The following FAT3 variants were observed in gnomAD, a reference collection of about 807,000 sequenced individuals.
FAT3 encodes the protein protocadherin Fat 3.
Under a neutral mutation model 310.2 loss-of-function variants are expected in FAT3, and 95 were observed. The ratio of observed to expected loss-of-function variants is 0.31; its 90% CI spans 0.26 to 0.36. The LOEUF (loss-of-function observed/expected upper bound fraction) is 0.36. Ranked by LOEUF, FAT3 falls within the 10% of genes least tolerant of loss-of-function variation. FAT3 has a pLI of 1.00. For missense variants in FAT3, 5,408 were observed against 5,715.6 expected (o/e 0.95, Z 1.74); for synonymous variants, 2,314 against 2,192.9 (o/e 1.06, Z -1.54).
In FAT3 at chr11:92,412,724, TATATATATATATATATATATAAATATAC is replaced by T. The variant is rs1449105409; in HGVS notation, c.3292+57324_3292+57351del. Reference sequence around the variant, plus strand: ...GGTGATATATATATATATATATATATATATATATATATATATATATAAATATACATACATATATATATATTTAATGTAA... The same window carrying T: ...GGTGATATATATATATATATATATATATACATATATATATATTTAATGTAA... On this transcript the variant is annotated intron_variant, in intron 2 of 27. Transcript: ENST00000525166. Among the ~76,000 whole-genome samples the T allele has an allele frequency of 2.7e-4, 9 of 33,382 alleles. 1 individual carries two copies. Among genetic ancestry groups the T allele is most frequent in the African/African-American group, 7.0e-4 (9 of 12,818 alleles). 21.9% of individuals were successfully genotyped at this position (33,382 alleles called of 152,430 possible). A position where few individuals can be genotyped will look rare whatever the true frequency, so the allele number is the denominator to read the frequency against.
intron 2 of FAT3, among the ~76,000 whole-genome samples, chr11:92,458,114 G>A (rs554129903): frequency 6.6e-6 from 1 of 152,114 alleles, no homozygotes; most frequent in Non-Finnish European, 1.5e-5. Context: ...CCTATTGTTA[G>A]GTTGTTTCCT....
chr11:92,280,257 G>A (rs539367987), intron 1 of FAT3, among the ~76,000 whole-genome samples: 36 of 152,204 alleles, frequency 2.4e-4, no homozygotes, highest in African/African-American at 8.7e-4. Context: ...TATGACAAAA[G>A]CCTGTTCTTA....
intron 1 of FAT3, among the ~76,000 whole-genome samples, chr11:92,312,303 G>A (rs983708397): frequency 6.8e-4 from 104 of 152,258 alleles, no homozygotes; most frequent in South Asian, 4.2e-4. Flanking sequence ...AAATGTTTTC[G>A]CAGTAGTCTG....
rs910984505 is a variant in FAT3, at chr11:92,889,970, G to T, written c.13147+79G>T. 4.2e-6 allele frequency: 3 copies of T among 717,510 alleles called. No homozygotes were observed. The South Asian group carries it at 4.4e-5, about 11-fold the overall frequency. 44.4% of individuals were successfully genotyped at this position (717,510 alleles called of 1,614,324 possible). A position where few individuals can be genotyped will look rare whatever the true frequency, so the allele number is the denominator to read the frequency against. On this transcript the variant is annotated intron_variant, in intron 27 of 27. Coordinates refer to ENST00000525166, the MANE Select transcript of FAT3 (RefSeq NM_001367949.2). ...GAGTTCATTCTTACCCTGTTCCTGTGCCTCTGCCCTGATCTGAATTTTGCA... is the reference window on the plus strand; with the variant it reads ...GAGTTCATTCTTACCCTGTTCCTGTTCCTCTGCCCTGATCTGAATTTTGCA...
intron 3 of FAT3, among the ~76,000 whole-genome samples, chr11:92,562,136 T>G (rs1039724286): frequency 1.3e-5 from 2 of 152,164 alleles, no homozygotes; most frequent in African/African-American, 4.8e-5. Flanking sequence ...TAACTCTGAT[T>G]ATCACTTTTA....
intron 2 of FAT3, among the ~76,000 whole-genome samples, chr11:92,375,467 T>C (rs1454291704): frequency 6.6e-6 from 1 of 152,132 alleles, no homozygotes; most frequent in Non-Finnish European, 1.5e-5. Flanking sequence ...AAAAAGTGTT[T>C]AAGGATTCTT....
intron 1 of FAT3, among the ~76,000 whole-genome samples, chr11:92,275,183 T>C (rs908887628): frequency 6.6e-6 from 1 of 152,082 alleles, no homozygotes; most frequent in Non-Finnish European, 1.5e-5. Flanking sequence ...GGTGCCATAA[T>C]CCTAGGCCAG....
At chr11:92,444,960 A>T (rs1214230930) in intron 2 of FAT3, among the ~76,000 whole-genome samples, 1 of 152,186 alleles carries the variant, frequency 6.6e-6, no homozygotes, top group Non-Finnish European at 1.5e-5. Context: ...AGTGCCTCCA[A>T]ATGTGACTAT....
chr11:92,445,293 A>G (rs1951183449), intron 2 of FAT3, among the ~76,000 whole-genome samples: 1 of 152,160 alleles, frequency 6.6e-6, no homozygotes, highest in African/African-American at 2.4e-5. Context: ...TTTTTCAACA[A>G]TGCTGATACA....
chr11:92,619,138 A>G (rs548579617), intron 3 of FAT3, among the ~76,000 whole-genome samples: 19 of 152,286 alleles, frequency 1.2e-4, no homozygotes, highest in African/African-American at 3.8e-4. Context: ...CATGCATCAT[A>G]TTAATTGATT....
At chr11:92,333,558 C>T (rs1310768358) in intron 1 of FAT3, among the ~76,000 whole-genome samples, 1 of 152,048 alleles carries the variant, frequency 6.6e-6, no homozygotes, top group African/African-American at 2.4e-5. Context: ...CTCAGAATCC[C>T]CTTATTTGGT....
chr11:92,622,960 C>A (rs1591532330), intron 3 of FAT3, among the ~76,000 whole-genome samples: 1 of 152,144 alleles, frequency 6.6e-6, no homozygotes, highest in East Asian at 1.9e-4. Context: ...AATATATCAG[C>A]CCCTGACCAC....
At chr11:92,360,085 C>T (rs1025907258) in intron 2 of FAT3, among the ~76,000 whole-genome samples, 1 of 152,268 alleles carries the variant, frequency 6.6e-6, no homozygotes, top group Non-Finnish European at 1.5e-5. Context: ...AACTAGTTTA[C>T]AGTCCCACCA....
chr11:92,494,812 A>C (rs572928399), intron 2 of FAT3, among the ~76,000 whole-genome samples: 4 of 152,114 alleles, frequency 2.6e-5, no homozygotes, highest in African/African-American at 9.6e-5. Flanking sequence ...CTACCTTATA[A>C]AATCTTATAT....
At chr11:92,398,646 T>C (rs1591228708) in intron 2 of FAT3, among the ~76,000 whole-genome samples, 1 of 152,210 alleles carries the variant, frequency 6.6e-6, no homozygotes, top group East Asian at 1.9e-4. Context: ...TGACATATAC[T>C]TGGGTGGGGG....
intron 2 of FAT3, among the ~76,000 whole-genome samples, chr11:92,487,538 C>T (rs935074112): frequency 6.6e-6 from 1 of 152,146 alleles, no homozygotes; most frequent in Non-Finnish European, 1.5e-5. Flanking sequence ...ATAATGTACT[C>T]TAGAGATCTT....
intron 4 of FAT3, among the ~76,000 whole-genome samples, chr11:92,727,082 A>G (rs147343554): frequency 1.6e-3 from 239 of 152,324 alleles, no homozygotes; most frequent in Non-Finnish European, 2.3e-3. Flanking sequence ...TCTACTATGA[A>G]TTTCGATTAA....
chr11:92,229,505 T>TTTTTTTTTTTTTTTTTTTA (rs1864073311), intron 1 of FAT3, among the ~76,000 whole-genome samples: 1 of 68,896 alleles, frequency 1.5e-5, no homozygotes, highest in African/African-American at 4.4e-5. Flanking sequence ...TTTTTTTTTT[T>TTTTTTTTTTTTTTTTTTTA]TGTTTTTTGT....
At chr11:92,272,152 A>T (rs1946138554) in intron 1 of FAT3, among the ~76,000 whole-genome samples, 1 of 152,112 alleles carries the variant, frequency 6.6e-6, no homozygotes, top group Non-Finnish European at 1.5e-5. Flanking sequence ...CATCAGATGG[A>T]GAGGTGATGG....
Sources: allele counts gnomAD v4.1 joint callset (sites outside exome capture counted in the v4.1 genomes callset), GRCh38; gene constraint gnomAD v4.1.1; transcripts MANE v1.5; gene names NCBI Gene and HGNC (gene_info 2026-07-23, HGNC 2026-07-21).